PLA2G4A: variants seen among roughly 807,000 people sequenced by gnomAD.
The protein encoded by PLA2G4A is cytosolic phospholipase A2.
Under a neutral mutation model 81.9 loss-of-function variants are expected in PLA2G4A, and 40 were observed. That is an observed-to-expected ratio of 0.49 (90% CI 0.38 to 0.64). The LOEUF is 0.64. Among genes scored for constraint, PLA2G4A ranks in the 30% least tolerant of loss-of-function variants. The pLI, the probability that PLA2G4A is intolerant of heterozygous loss-of-function variation, is 0.00. For missense variants in PLA2G4A, 715 were observed against 905.1 expected (o/e 0.79, Z 2.69); for synonymous variants, 302 against 296.9 (o/e 1.02, Z -0.18).
At chr1:186,934,565 T>C (rs1557881277) in intron 8 of PLA2G4A, among the ~76,000 whole-genome samples, 1 of 151,078 alleles carries the variant, frequency 6.6e-6, no homozygotes, top group Non-Finnish European at 1.5e-5. Flanking sequence ...CACACACATA[T>C]ATGTATACTT....
intron 7 of PLA2G4A, among the ~76,000 whole-genome samples, chr1:186,914,229 A>C (rs1655062259): frequency 6.6e-6 from 1 of 151,586 alleles, no homozygotes; most frequent in African/African-American, 2.4e-5. Flanking sequence ...AGCCAGGACT[A>C]TGCGTGCATG....
At chr1:186,910,622 G>C (rs1469256442) in intron 6 of PLA2G4A, among the ~76,000 whole-genome samples, 3 of 152,122 alleles carry the variant, frequency 2.0e-5, no homozygotes, top group African/African-American at 7.2e-5. Flanking sequence ...TTCTGGCATA[G>C]TGTAGAGAAA....
chr1:186,932,252 T>C (rs1031456808), intron 7 of PLA2G4A, among the ~76,000 whole-genome samples: 5 of 151,914 alleles, frequency 3.3e-5, no homozygotes, highest in Non-Finnish European at 7.4e-5. Context: ...CTAATAGACA[T>C]TGCTTTTTTT....
intron 17 of PLA2G4A, among the ~76,000 whole-genome samples, chr1:186,987,963 C>T (rs902419289): frequency 1.3e-5 from 2 of 152,116 alleles, no homozygotes; most frequent in African/African-American, 4.8e-5. Context: ...CTAGGAAAAG[C>T]TTTTACTTTC....
intron 5 of PLA2G4A, among the ~76,000 whole-genome samples, chr1:186,897,794 C>T (rs1654389268): frequency 6.6e-6 from 1 of 152,160 alleles, no homozygotes; most frequent in South Asian, 2.1e-4. Flanking sequence ...CAGGCGTGAG[C>T]CACCACACCC....
intron 5 of PLA2G4A, among the ~76,000 whole-genome samples, chr1:186,896,473 G>A (rs1654336832): frequency 6.6e-6 from 1 of 152,110 alleles, no homozygotes; most frequent in Non-Finnish European, 1.5e-5. Flanking sequence ...AAAATCTTCA[G>A]GCCTTAGTTA....
chr1:186,855,477 T>C (rs1257816568), intron 2 of PLA2G4A, among the ~76,000 whole-genome samples: 1 of 152,040 alleles, frequency 6.6e-6, no homozygotes, highest in African/African-American at 2.4e-5. Flanking sequence ...GATTTTTACA[T>C]ATGTATTCCA....
intron 3 of PLA2G4A, among the ~76,000 whole-genome samples, chr1:186,890,349 G>A (rs1654091112): frequency 6.6e-6 from 1 of 152,142 alleles, no homozygotes; most frequent in Non-Finnish European, 1.5e-5. Flanking sequence ...ATAAAGTATA[G>A]TGTGTCCAGT....
chr1:186,902,071 A>G (rs1468972256), intron 5 of PLA2G4A, among the ~76,000 whole-genome samples: 1 of 152,180 alleles, frequency 6.6e-6, no homozygotes, highest in Admixed American at 6.5e-5. Flanking sequence ...CACCTAGGCT[A>G]TATGGTGTAG....
chr1:186,972,774 A>G (rs1657401076), intron 15 of PLA2G4A, among the ~76,000 whole-genome samples: 1 of 152,148 alleles, frequency 6.6e-6, no homozygotes, highest in African/African-American at 2.4e-5. Context: ...ATCTGAAATG[A>G]GGCAGTCTTC....
chr1:186,858,752 T>G (rs1263097592), intron 2 of PLA2G4A, among the ~76,000 whole-genome samples: 1 of 152,118 alleles, frequency 6.6e-6, no homozygotes, highest in Non-Finnish European at 1.5e-5. Context: ...AAACCATATA[T>G]TGGTATCATG....
chr1:186,955,734 C>CTTTTTT (rs59494152), intron 13 of PLA2G4A, among the ~76,000 whole-genome samples: 19,902 of 108,558 alleles, frequency 0.18, 2,578 homozygotes, highest in Admixed American at 0.28. Context: ...AAGAAGATCC[C>CTTTTTT]TTTTTTTTTT....
At chr1:186,861,977 T>A (rs1236553663) in intron 2 of PLA2G4A, among the ~76,000 whole-genome samples, 1 of 149,170 alleles carries the variant, frequency 6.7e-6, no homozygotes, top group Non-Finnish European at 1.5e-5. Flanking sequence ...ATATATTTAA[T>A]TTATATATAA....
intron 5 of PLA2G4A, among the ~76,000 whole-genome samples, chr1:186,905,329 A>G (rs1569480): frequency 0.59 from 88,921 of 151,696 alleles, 28,465 homozygotes; most frequent in African/African-American, 0.85. Flanking sequence ...ATCCACTCAC[A>G]ATGGCTTTAC....
chr1:186,966,550 T>C (rs1430550467), intron 15 of PLA2G4A, among the ~76,000 whole-genome samples: 1 of 152,156 alleles, frequency 6.6e-6, no homozygotes, highest in Non-Finnish European at 1.5e-5. Flanking sequence ...GATAAAAATA[T>C]GGAGGTAGTG....
chr1:186,960,940 T>C (rs1656921286), intron 14 of PLA2G4A, among the ~76,000 whole-genome samples: 1 of 152,216 alleles, frequency 6.6e-6, no homozygotes, highest in Non-Finnish European at 1.5e-5. Context: ...GGCACTCTTA[T>C]TTTGTATATG....
intron 7 of PLA2G4A, 39 bp downstream of exon 7, chr1:186,911,428 A>G (rs748519603): frequency 6.9e-7 from 1 of 1,454,730 alleles, no homozygotes; most frequent in South Asian, 1.1e-5. Flanking sequence ...ATACTTTAAT[A>G]ATAATTTAGC....
chr1:186,853,271 T>A (rs1041421794), intron 1 of PLA2G4A, among the ~76,000 whole-genome samples: 3 of 151,600 alleles, frequency 2.0e-5, no homozygotes, highest in Non-Finnish European at 4.4e-5. Context: ...TAAAAAAAAA[T>A]TTAAATCCTC....
chr1:186,890,300 G>C (rs1321851354), intron 3 of PLA2G4A, among the ~76,000 whole-genome samples: 1 of 152,118 alleles, frequency 6.6e-6, no homozygotes, highest in Non-Finnish European at 1.5e-5. Context: ...GTTGTTTATA[G>C]TCTTGTAGGA....
Sources: gnomAD v4.1 joint callset for allele counts (sites outside exome capture counted in the v4.1 genomes callset) on GRCh38, gnomAD v4.1.1 for gene constraint, MANE v1.5 for transcripts, NCBI Gene and HGNC (gene_info 2026-07-23, HGNC 2026-07-21) for gene names.